AKAP19: variants seen among roughly 807,000 people sequenced by gnomAD.
AKAP19 encodes the protein small A-kinase anchoring protein.
At chr2:190,125,743 TAG>T in the AKAP19 span, among the ~76,000 whole-genome samples, 1 of 152,190 alleles carries the variant, frequency 6.6e-6, no homozygotes, top group African/African-American at 2.4e-5. Flanking sequence ...TGCCTTTCTA[TAG>T]AGTCATGAAT....
chr2:190,100,250 T>TA, the AKAP19 span, among the ~76,000 whole-genome samples: 6,123 of 150,978 alleles, frequency 0.041, 404 homozygotes, highest in African/African-American at 0.14. Context: ...CTGCAAGAAA[T>TA]AAAAAAAAAC....
At chr2:190,202,479 TTTACA>T in the AKAP19 span, 1 of 166,998 alleles carries the variant, frequency 6.0e-6, no homozygotes, top group Non-Finnish European at 1.5e-5. Flanking sequence ...AATAAACAAA[TTTACA>T]TTACATGTGA....
the AKAP19 span, among the ~76,000 whole-genome samples, chr2:190,049,776 T>C: frequency 6.6e-6 from 1 of 152,232 alleles, no homozygotes; most frequent in Non-Finnish European, 1.5e-5. Context: ...TGAATTGGGA[T>C]TTCTGTTATT....
chr2:189,960,380 A>C, the AKAP19 span, among the ~76,000 whole-genome samples: 1 of 152,208 alleles, frequency 6.6e-6, no homozygotes, highest in African/African-American at 2.4e-5. Context: ...TGGCTTAGGC[A>C]GCTCCTCCCC....
At chr2:190,192,029 C>T in the AKAP19 span, among the ~76,000 whole-genome samples, 1 of 151,670 alleles carries the variant, frequency 6.6e-6, no homozygotes, top group African/African-American at 2.4e-5. Flanking sequence ...CATCTAAGAA[C>T]TCTTTTCCTA....
the AKAP19 span, among the ~76,000 whole-genome samples, chr2:190,117,402 C>A: frequency 6.6e-6 from 1 of 151,328 alleles, no homozygotes. Context: ...TAGTAGTATA[C>A]AATAGGTTAG....
At chr2:189,976,092 T>C in the AKAP19 span, among the ~76,000 whole-genome samples, 1 of 152,228 alleles carries the variant, frequency 6.6e-6, no homozygotes, top group African/African-American at 2.4e-5. Context: ...CTCTGTTTTT[T>C]CCCCATCTTT....
chr2:189,980,485 C>A, the AKAP19 span, among the ~76,000 whole-genome samples: 1 of 152,132 alleles, frequency 6.6e-6, no homozygotes, highest in Admixed American at 6.6e-5. Flanking sequence ...CAAGCATGCA[C>A]CACCATGCCC....
chr2:190,121,008 G>C, the AKAP19 span, among the ~76,000 whole-genome samples: 2 of 152,136 alleles, frequency 1.3e-5, no homozygotes, highest in South Asian at 4.2e-4. Context: ...AGGAATTTGG[G>C]GGAGTTCGTG....
chr2:189,938,496 G>A, the AKAP19 span, among the ~76,000 whole-genome samples: 1 of 152,170 alleles, frequency 6.6e-6, no homozygotes. Flanking sequence ...AACATCGCAT[G>A]TTCTCACTTA....
chr2:190,036,392 C>A, the AKAP19 span, among the ~76,000 whole-genome samples: 1 of 151,440 alleles, frequency 6.6e-6, no homozygotes, highest in African/African-American at 2.5e-5. Context: ...TACAAGACTG[C>A]AGATCCCAGA....
the AKAP19 span, among the ~76,000 whole-genome samples, chr2:189,920,315 C>T: frequency 6.6e-6 from 1 of 152,276 alleles, no homozygotes; most frequent in South Asian, 2.1e-4. Flanking sequence ...ATGTAACTTC[C>T]ATCTCATGGT....
chr2:190,173,051 G>A, the AKAP19 span, among the ~76,000 whole-genome samples: 31 of 151,230 alleles, frequency 2.0e-4, no homozygotes, highest in African/African-American at 6.5e-4. Context: ...GGAGGCAGAC[G>A]TTGCAGTGAG....
At chr2:190,030,294 G>T in the AKAP19 span, among the ~76,000 whole-genome samples, 1 of 151,890 alleles carries the variant, frequency 6.6e-6, no homozygotes, top group Non-Finnish European at 1.5e-5. Context: ...GTATTATCTC[G>T]GTCTTCTAGA....
At chr2:190,124,739 CTT>C in the AKAP19 span, among the ~76,000 whole-genome samples, 2 of 152,114 alleles carry the variant, frequency 1.3e-5, no homozygotes, top group Admixed American at 6.6e-5. Context: ...TTTATAAAAA[CTT>C]TTTAATTTTT....
chr2:190,004,976 C>T, the AKAP19 span, among the ~76,000 whole-genome samples: 3 of 152,158 alleles, frequency 2.0e-5, no homozygotes, highest in East Asian at 1.9e-4. Flanking sequence ...AATTAAGCCA[C>T]GGACCCTCAC....
chr2:190,098,602 G>T, the AKAP19 span, among the ~76,000 whole-genome samples: 1 of 152,162 alleles, frequency 6.6e-6, no homozygotes, highest in South Asian at 2.1e-4. Flanking sequence ...TGTCAAATGA[G>T]CATTGGCTTC....
the AKAP19 span, among the ~76,000 whole-genome samples, chr2:189,963,082 A>T: frequency 6.6e-6 from 1 of 152,118 alleles, no homozygotes; most frequent in Admixed American, 6.6e-5. Flanking sequence ...TCTTCACCAG[A>T]AGTAGATTCC....
the AKAP19 span, among the ~76,000 whole-genome samples, chr2:189,958,522 C>CATATAT: frequency 0.017 from 2,499 of 143,688 alleles, 80 homozygotes; most frequent in African/African-American, 0.059. Flanking sequence ...ACACACATAA[C>CATATAT]ATATATATAT....
Sources: allele counts gnomAD v4.1 joint callset (sites outside exome capture counted in the v4.1 genomes callset), GRCh38; gene constraint gnomAD v4.1.1; transcripts MANE v1.5; gene names NCBI Gene and HGNC (gene_info 2026-07-23, HGNC 2026-07-21).